The following CYLC2 variants were observed in gnomAD, a reference collection of about 807,000 sequenced individuals.
CYLC2 encodes cylicin 2, also known as cylicin-2.
CYLC2 carries 30 observed loss-of-function variants against 26.1 expected under a neutral mutation model. That is an observed-to-expected ratio of 1.15 (90% CI 0.86 to 1.56). The LOEUF (loss-of-function observed/expected upper bound fraction) is 1.56. CYLC2 is among the 40% of genes most tolerant of loss of function. The pLI, the probability that CYLC2 is intolerant of heterozygous loss-of-function variation, is 0.00. For missense variants in CYLC2, 498 were observed against 394.4 expected (o/e 1.26, Z -2.23); for synonymous variants, 158 against 132.8 (o/e 1.19, Z -1.31).
intron 5 of CYLC2, among the ~76,000 whole-genome samples, chr9:103,011,507 G>C (rs1829406522): frequency 6.6e-6 from 1 of 152,008 alleles, no homozygotes; most frequent in Non-Finnish European, 1.5e-5. Context: ...CTTGAAACCT[G>C]ATAAAACCAC....
At chr9:103,015,124 ACG>A (rs1829483752) in intron 6 of CYLC2, among the ~76,000 whole-genome samples, 2 of 24,426 alleles carry the variant, frequency 8.2e-5, no homozygotes, top group African/African-American at 1.5e-4. Flanking sequence ...CATGTATATC[ACG>A]TGATATACAT....
intron 6 of CYLC2, among the ~76,000 whole-genome samples, chr9:103,013,156 T>TATATATTATATAATATATATTTA (rs1829428404): frequency 9.0e-6 from 1 of 111,244 alleles, no homozygotes; most frequent in Admixed American, 1.2e-4. Context: ...CATATATAAA[T>TATATATTATATAATATATATTTA]ATATATTATA....
intron 2 of CYLC2, among the ~76,000 whole-genome samples, chr9:103,002,176 A>G (rs1297220077): frequency 6.6e-6 from 1 of 151,998 alleles, no homozygotes; most frequent in Non-Finnish European, 1.5e-5. Context: ...GCATGTGTCT[A>G]AATACAAAGA....
rs1163883947 is a variant in CYLC2, at chr9:103,013,360, A to G, written c.*816+1263A>G. Among the ~76,000 whole-genome samples, 15 of 15,456 alleles carry G rather than the reference A, an allele frequency of 9.7e-4. No homozygotes were observed. The South Asian group carries it at 0.025, about 25-fold the overall frequency. 10.1% of individuals were successfully genotyped at this position (15,456 alleles called of 152,430 possible). A position where few individuals can be genotyped will look rare whatever the true frequency, so the allele number is the denominator to read the frequency against. Reference sequence around the variant, plus strand: ...TATATTATATAAATATATATTATATAAATATATATTTAATATATTATATAA... The same window carrying G: ...TATATTATATAAATATATATTATATGAATATATATTTAATATATTATATAA... On this transcript the variant is annotated intron_variant, in intron 6 of 7. Transcript: ENST00000374798.
rs1829348919 is a variant in CYLC2 at position 103,006,252 on chromosome 9, TAAAAG to T, written c.*584_*588del. 2 of 151,772 alleles carry T rather than the reference TAAAAG, an allele frequency of 1.3e-5. No homozygotes were observed. Among genetic ancestry groups the T allele is most frequent in the African/African-American group, 4.8e-5 (2 of 41,426 alleles). 9.4% of individuals were successfully genotyped at this position (151,772 alleles called of 1,614,324 possible). On this transcript the variant is annotated 3_prime_UTR_variant, in exon 5 of 8. Coordinates refer to ENST00000374798, the MANE Select transcript of CYLC2 (RefSeq NM_001340.5). ...TCCTTTGGCAAAAAGAAAAAAAAAGTAAAAGAAAAGAAAAAAAATGTATTACCACC... is the reference window on the plus strand; with the variant it reads ...TCCTTTGGCAAAAAGAAAAAAAAAGTAAAAGAAAAAAAATGTATTACCACC...
chr9:103,015,891 G>A (rs35320173), intron 6 of CYLC2, among the ~76,000 whole-genome samples: 100,249 of 149,250 alleles, frequency 0.67, 33,933 homozygotes, highest in South Asian at 0.82. Flanking sequence ...AAAGACAGAA[G>A]CTAATCTCAA....
At chr9:103,004,382 A>G (rs1829317631) in intron 3 of CYLC2, among the ~76,000 whole-genome samples, 1 of 152,072 alleles carries the variant, frequency 6.6e-6, no homozygotes, top group South Asian at 2.1e-4. Flanking sequence ...ATTCTCAAGA[A>G]CATACAGTTT....
At position 103,004,822 on chromosome 9, in the gene CYLC2, G is replaced by T; in HGVS notation, c.308G>T (p.Arg103Leu). ...AARRQPLKPT[R>L]TVEVDSKAAE... ...AGGAGGCAGCCTCTCAAACCAACTC[G>T]TACTGTCGAGGTGGATTCTAAAGCA... Residue 103 changes from arginine to leucine, a missense_variant, in exon 4 of 8, where the codon CGT becomes CTT. Coordinates refer to ENST00000374798, the MANE Select transcript of CYLC2 (RefSeq NM_001340.5). The T allele has an allele frequency of 1.2e-6, 2 of 1,611,952 alleles. No homozygotes were observed. Among genetic ancestry groups the T allele is most frequent in the Non-Finnish European group, 1.7e-6 (2 of 1,179,446 alleles).
At position 103,005,504 on chromosome 9, in the gene CYLC2, G is replaced by A. The variant is rs1389844979; in HGVS notation, c.873G>A (p.Glu291=). 6.2e-7 allele frequency: 1 copy of A among 1,613,478 alleles called. No individual in the cohort carries two copies. The highest frequency in any genetic ancestry group is 1.1e-5 in the South Asian group (1 of 91,014). The change falls in exon 5 of 8, where the codon GAG becomes GAA. Residue 291 remains glutamate (E), a synonymous_variant. Transcript: ENST00000374798. ...DSDSKDDVKK[E]SKKDATKDAK... Reference sequence around the variant, plus strand: ...ACTCAAAGGATGATGTCAAGAAAGAGTCTAAGAAGGACGCCACGAAAGATG... The same window carrying A: ...ACTCAAAGGATGATGTCAAGAAAGAATCTAAGAAGGACGCCACGAAAGATG...
In CYLC2 at chr9:103,001,619, G is replaced by T; in HGVS notation, c.58+1G>T. The T allele has an allele frequency of 1.3e-6, 2 of 1,553,966 alleles. No individual in the cohort carries two copies. The highest frequency in any genetic ancestry group is 8.9e-7 in the Non-Finnish European group (1 of 1,129,482). ...GGGCCATATGATAATTACATTCCAG[G>T]TAAGAAAGCATTCAATATTTATTAC... On this transcript the variant is annotated splice_donor_variant, in intron 2 of 7. Transcript: ENST00000374798. LOFTEE classifies it high-confidence loss of function.
Position 103,005,179 on chromosome 9 carries a change from G to A in CYLC2, c.548G>A (p.Gly183Glu), listed in dbSNP as rs549752539. 33 of 1,606,340 alleles carry A rather than the reference G, an allele frequency of 2.1e-5. No homozygotes were observed. In the East Asian group the frequency reaches 6.9e-4, roughly 34 times the overall value. Residue 183 changes from glycine (G) to glutamate (E), a missense_variant, in exon 5 of 8, where the codon GGA becomes GAA. Physicochemically the swap from Gly to Glu is moderately conservative, Grantham distance 98 (BLOSUM62 -2). Coordinates refer to ENST00000374798, the MANE Select transcript of CYLC2 (RefSeq NM_001340.5). Reference sequence around the variant, plus strand: ...GCAACAGAATCTGAAGATGAAAAAGGAGGTGCAAAGAAAGATAACAAAAAA... The same window carrying A: ...GCAACAGAATCTGAAGATGAAAAAGAAGGTGCAAAGAAAGATAACAAAAAA... ...DSATESEDEK[G>E]GAKKDNKKDK...
Position 103,005,420 on chromosome 9 carries a change from T to C in CYLC2, c.789T>C (p.Asp263=), listed in dbSNP as rs2298052. ...ATGAATCGAAGGATGCCAAGAAAGA[T>C]GCAAAGGAGATTAAAAAAGGTAAGA... ...KGDESKDAKK[D]AKEIKKGKKD... The change falls in exon 5 of 8, where the codon GAT becomes GAC. Residue 263 remains aspartate (D), a synonymous_variant. Transcript: ENST00000374798. The C allele has an allele frequency of 9.7e-3, 15,610 of 1,613,400 alleles. 788 individuals are homozygous for C. In the East Asian group the frequency reaches 0.17, roughly 18 times the overall value.
Position 103,005,256 on chromosome 9 carries a change from GA to G in CYLC2, c.630del (p.Gly211GlufsTer22). ...GKDSATESEG[E>X]KGGTEKDSKK... ...AGACTCGGCAACAGAATCTGAAGGT[GA>G]AAAAGGAGGTACAGAGAAAGATAGC... On this transcript the variant is annotated frameshift_variant, in exon 5 of 8. Transcript: ENST00000374798. LOFTEE classifies it high-confidence loss of function. The G allele has an allele frequency of 6.2e-7, 1 of 1,613,344 alleles. No individual in the cohort carries two copies. Among genetic ancestry groups the G allele is most frequent in the Non-Finnish European group, 8.5e-7 (1 of 1,179,802 alleles).
At chr9:103,004,657 C>G (rs763160829) in intron 3 of CYLC2, 38 bp from the exon 4 acceptor site, 4 of 1,458,524 alleles carry the variant, frequency 2.7e-6, no homozygotes, top group Non-Finnish European at 3.7e-6. Context: ...GTGTTATTCA[C>G]TCACAAGTTG....
intron 2 of CYLC2, among the ~76,000 whole-genome samples, chr9:103,002,353 C>A (rs1829296485): frequency 8.8e-6 from 1 of 114,280 alleles, no homozygotes; most frequent in South Asian, 3.1e-4. Context: ...ATAGCATTTG[C>A]CCCCTTTTTT....
In CYLC2 at chr9:102,995,373, T is replaced by C. The variant is rs1316394390; in HGVS notation, c.-8T>C. The C allele has an allele frequency of 1.2e-6, 2 of 1,604,300 alleles. No individual in the cohort carries two copies. Among genetic ancestry groups the C allele is most frequent in the East Asian group, 2.2e-5 (1 of 44,666 alleles). On this transcript the variant is annotated 5_prime_UTR_variant, in exon 1 of 8. Coordinates refer to ENST00000374798, the MANE Select transcript of CYLC2 (RefSeq NM_001340.5). Reference sequence around the variant, plus strand: ...TACTTAAGTCCTGGCAAGTCATAAGTGGGGAAAATGTCTCTCCCAAGATTG... The same window carrying C: ...TACTTAAGTCCTGGCAAGTCATAAGCGGGGAAAATGTCTCTCCCAAGATTG...
At chr9:103,013,643 T>C (rs2118265419) in intron 6 of CYLC2, among the ~76,000 whole-genome samples, 1 of 111,860 alleles carries the variant, frequency 8.9e-6, no homozygotes, top group South Asian at 2.8e-4. Context: ...TATATATTTA[T>C]ATAAAAATAT....
intron 1 of CYLC2, among the ~76,000 whole-genome samples, chr9:102,996,489 G>T (rs1829238712): frequency 6.6e-6 from 1 of 151,810 alleles, no homozygotes; most frequent in South Asian, 2.1e-4. Context: ...AAACATTCTG[G>T]TTTTTGTAGG....
chr9:103,012,580 T>A (rs771876701), intron 6 of CYLC2, among the ~76,000 whole-genome samples: 20 of 152,056 alleles, frequency 1.3e-4, no homozygotes, highest in Middle Eastern at 3.4e-3. Flanking sequence ...TAATCCATAA[T>A]AAAATAAAAT....
Sources: allele counts gnomAD v4.1 joint callset (sites outside exome capture counted in the v4.1 genomes callset), GRCh38; gene constraint gnomAD v4.1.1; transcripts MANE v1.5; gene names NCBI Gene and HGNC (gene_info 2026-07-23, HGNC 2026-07-21).